The following LCLAT1 variants were observed in gnomAD, a reference collection of about 807,000 sequenced individuals.
The protein encoded by LCLAT1 is lysocardiolipin acyltransferase 1.
LCLAT1 carries 11 observed loss-of-function variants against 30.7 expected under a neutral mutation model. That is an observed-to-expected ratio of 0.36 (90% CI 0.23 to 0.59). The LOEUF (loss-of-function observed/expected upper bound fraction) is 0.59, where lower values mean the gene tolerates loss of function less well. Ranked by LOEUF, LCLAT1 falls within the 20% of genes least tolerant of loss-of-function variation. LCLAT1 has a pLI of 0.77. For missense variants in LCLAT1, 402 were observed against 458.6 expected, an observed-to-expected ratio of 0.88 and a Z score of 1.13; for synonymous variants, 155 against 151.3, an observed-to-expected ratio of 1.02 and a Z score of -0.18.
In LCLAT1 at chr2:30,610,315, T is replaced by C. The variant is rs552435763; in HGVS notation, c.629-29802T>C. On this transcript the variant is annotated intron_variant, in intron 5 of 5. Coordinates refer to ENST00000379509, the MANE Select transcript of LCLAT1 (RefSeq NM_001002257.3). Reference sequence around the variant, plus strand: ...TTGAATTGATGCCTCTGGCTTCTCATGGTCTCTGTCTAATCCTGAAACAAA... The same window carrying C: ...TTGAATTGATGCCTCTGGCTTCTCACGGTCTCTGTCTAATCCTGAAACAAA... Among the ~76,000 whole-genome samples the C allele has an allele frequency of 5.3e-5, 8 of 152,282 alleles. No homozygotes were observed. The South Asian group carries it at 1.4e-3, about 28-fold the overall frequency.
At position 30,620,567 on chromosome 2, in the gene LCLAT1, A is replaced by G. The variant is rs951264968; in HGVS notation, c.629-19550A>G. Reference sequence around the variant, plus strand: ...AGAAGTCTCCATTTTGCATATAGCTATTTATAATAGTTGGGTGATCATGCT... The same window carrying G: ...AGAAGTCTCCATTTTGCATATAGCTGTTTATAATAGTTGGGTGATCATGCT... On this transcript the variant is annotated intron_variant, in intron 5 of 5. Coordinates refer to ENST00000379509, the MANE Select transcript of LCLAT1 (RefSeq NM_001002257.3). Among the ~76,000 whole-genome samples the G allele has an allele frequency of 4.6e-5, 7 of 152,200 alleles. No homozygotes were observed. In the East Asian group the frequency reaches 9.6e-4, roughly 21 times the overall value.
intron 1 of LCLAT1, among the ~76,000 whole-genome samples, chr2:30,500,821 A>C (rs1558479125): frequency 1.3e-5 from 2 of 152,190 alleles, no homozygotes; most frequent in Non-Finnish European, 2.9e-5. Flanking sequence ...TTTTGAATAA[A>C]CGTAGAAATT....
At chr2:30,569,212 A>G (rs1665660908) in intron 5 of LCLAT1, among the ~76,000 whole-genome samples, 1 of 152,202 alleles carries the variant, frequency 6.6e-6, no homozygotes, top group Non-Finnish European at 1.5e-5. Context: ...TCAGGGGCAT[A>G]TATGAGCAGA....
At chr2:30,629,814 G>C (rs767373578) in intron 5 of LCLAT1, among the ~76,000 whole-genome samples, 4 of 151,992 alleles carry the variant, frequency 2.6e-5, no homozygotes, top group Admixed American at 6.6e-5. Flanking sequence ...TTTTTAATGT[G>C]ATATCTATAT....
intron 5 of LCLAT1, among the ~76,000 whole-genome samples, chr2:30,574,474 A>G (rs775026731): frequency 2.0e-5 from 3 of 152,176 alleles, no homozygotes; most frequent in Non-Finnish European, 2.9e-5. Flanking sequence ...CCTGAACAGC[A>G]TCCTTATGGG....
chr2:30,485,696 A>C (rs961818307), intron 1 of LCLAT1, among the ~76,000 whole-genome samples: 8 of 152,140 alleles, frequency 5.3e-5, no homozygotes, highest in African/African-American at 1.9e-4. Context: ...ATGGTAACTA[A>C]ACATTTTCCT....
chr2:30,483,042 C>G (rs1210527779), intron 1 of LCLAT1, among the ~76,000 whole-genome samples: 2 of 152,130 alleles, frequency 1.3e-5, no homozygotes. Flanking sequence ...GAGATAAAAA[C>G]TAAGCAAATT....
intron 1 of LCLAT1, chr2:30,459,522 C>CT: frequency 2.3e-6 from 2 of 880,066 alleles, no homozygotes; most frequent in Non-Finnish European, 3.8e-6. Flanking sequence ...TCTGCTTTCT[C>CT]TTTTTTTCTC....
chr2:30,560,710 C>G (rs1250376710), intron 3 of LCLAT1, among the ~76,000 whole-genome samples: 1 of 152,108 alleles, frequency 6.6e-6, no homozygotes, highest in Non-Finnish European at 1.5e-5. Flanking sequence ...TTGTATTTAT[C>G]AAATGATGAT....
At position 30,631,499 on chromosome 2, in the gene LCLAT1, G is replaced by A. The variant is rs142749089; in HGVS notation, c.629-8618G>A. Among the ~76,000 whole-genome samples the A allele has an allele frequency of 4.1e-3, 628 of 152,272 alleles. 5 individuals carry two copies. The highest frequency in any genetic ancestry group is 0.01 in the Middle Eastern group (3 of 294). The stretch of plus-strand genomic sequence containing the variant: ...ACCACACTTGGCATCTCTCACAAAG[G>A]AAATATTCAGGGTGCTGAAGGGCCA... On this transcript the variant is annotated intron_variant, in intron 5 of 5. Coordinates refer to ENST00000379509, the MANE Select transcript of LCLAT1 (RefSeq NM_001002257.3).
rs201952840 is a variant in LCLAT1, at chr2:30,612,003, G to GA, written c.629-28106dup. 4.7e-3 allele frequency among the ~76,000 whole-genome samples: 710 copies of GA among 151,722 alleles called. 2 individuals are homozygous for GA. The highest frequency in any genetic ancestry group is 0.011 in the Admixed American group (163 of 15,246). On this transcript the variant is annotated intron_variant, in intron 5 of 5. Transcript: ENST00000379509. Reference sequence around the variant, plus strand: ...CTCCCATGTGTCCTGTGGATAGAAAGAAAAAAAATAGCACAGTAGAAAATG... The same window carrying GA: ...CTCCCATGTGTCCTGTGGATAGAAAGAAAAAAAAATAGCACAGTAGAAAATG...
At chr2:30,586,212 A>C (rs1405612431) in intron 5 of LCLAT1, among the ~76,000 whole-genome samples, 2 of 142,676 alleles carry the variant, frequency 1.4e-5, no homozygotes, top group African/African-American at 5.5e-5. Context: ...ACTGCACTCC[A>C]GCCTGGGTGA....
At chr2:30,521,489 C>CTTTTTTTTTTTTTTTT (rs1262784785) in intron 1 of LCLAT1, among the ~76,000 whole-genome samples, 13 of 55,556 alleles carry the variant, frequency 2.3e-4, no homozygotes, top group South Asian at 5.8e-4. Context: ...TAAACTACTT[C>CTTTTTTTTTTTTTTTT]TTCTTTTTTT....
intron 1 of LCLAT1, among the ~76,000 whole-genome samples, chr2:30,506,172 A>G (rs1684649175): frequency 6.6e-6 from 1 of 152,098 alleles, no homozygotes; most frequent in African/African-American, 2.4e-5. Context: ...GTTATCTTGT[A>G]ACTTCTTTTT....
intron 1 of LCLAT1, among the ~76,000 whole-genome samples, chr2:30,515,694 C>T (rs1685148135): frequency 6.6e-6 from 1 of 152,174 alleles, no homozygotes; most frequent in Admixed American, 6.5e-5. Flanking sequence ...TTTAAAACTG[C>T]ACTTAGTTTT....
chr2:30,496,258 A>G (rs778685588), intron 1 of LCLAT1, among the ~76,000 whole-genome samples: 3 of 152,214 alleles, frequency 2.0e-5, no homozygotes, highest in East Asian at 3.8e-4. Context: ...GCAATTCAAC[A>G]TGAGATTTGG....
intron 3 of LCLAT1, among the ~76,000 whole-genome samples, chr2:30,558,698 C>T (rs1665052469): frequency 6.6e-6 from 1 of 151,668 alleles, no homozygotes; most frequent in Non-Finnish European, 1.5e-5. Context: ...AAAAGAACTC[C>T]TAAGATTAAG....
At chr2:30,519,476 T>A (rs1208889694) in intron 1 of LCLAT1, among the ~76,000 whole-genome samples, 1 of 152,032 alleles carries the variant, frequency 6.6e-6, no homozygotes, top group African/African-American at 2.4e-5. Flanking sequence ...CAACAGCACT[T>A]GGGTTTTCCT....
intron 1 of LCLAT1, among the ~76,000 whole-genome samples, chr2:30,488,012 C>T (rs1683644788): frequency 6.6e-6 from 1 of 152,168 alleles, no homozygotes; most frequent in Non-Finnish European, 1.5e-5. Context: ...TGGAGTTGTA[C>T]ACTTTTAAAT....
Sources: gnomAD v4.1 joint callset for allele counts (sites outside exome capture counted in the v4.1 genomes callset) on GRCh38, gnomAD v4.1.1 for gene constraint, MANE v1.5 for transcripts, NCBI Gene and HGNC (gene_info 2026-07-23, HGNC 2026-07-21) for gene names.